The following NUDCD3 variants were observed in gnomAD, a reference collection of about 807,000 sequenced individuals.
The protein encoded by NUDCD3 is nudC domain-containing protein 3.
Under a neutral mutation model 39.7 loss-of-function variants are expected in NUDCD3, and 13 were observed. The ratio of observed to expected loss-of-function variants is 0.33; its 90% CI spans 0.21 to 0.52. The LOEUF (loss-of-function observed/expected upper bound fraction) is 0.52, where lower values mean the gene tolerates loss of function less well. Ranked by LOEUF, NUDCD3 falls within the 20% of genes least tolerant of loss-of-function variation. The pLI is 0.96. For synonymous variants in NUDCD3, 175 were observed against 172.4 expected (o/e 1.02, Z -0.12); for missense variants, 453 against 458.1 (o/e 0.99, Z 0.10).
intron 2 of NUDCD3, among the ~76,000 whole-genome samples, chr7:44,473,891 A>C (rs2116968711): frequency 6.6e-6 from 1 of 152,342 alleles, no homozygotes; most frequent in Middle Eastern, 3.4e-3. Context: ...AGGGTTGACT[A>C]TGAGGCATTG....
chr7:44,422,325 CTT>C (rs1428996079), intron 3 of NUDCD3, among the ~76,000 whole-genome samples: 3 of 151,606 alleles, frequency 2.0e-5, no homozygotes, highest in African/African-American at 7.3e-5. Flanking sequence ...ATGAAAAACT[CTT>C]AGAAAAAAAT....
intron 1 of NUDCD3, chr7:44,489,763 G>C (rs1481535345): frequency 6.6e-6 from 1 of 151,936 alleles, no homozygotes; most frequent in Admixed American, 6.6e-5. Flanking sequence ...TTAAACACCC[G>C]TATCACCCTC....
chr7:44,468,367 A>G (rs1395183382), intron 2 of NUDCD3: 61 of 1,284,718 alleles, frequency 4.7e-5, no homozygotes, highest in East Asian at 2.4e-4. Flanking sequence ...AAAAAAAAAA[A>G]AAAGAAAAGA....
At chr7:44,413,931 T>C (rs892840878) in intron 3 of NUDCD3, among the ~76,000 whole-genome samples, 1 of 151,846 alleles carries the variant, frequency 6.6e-6, no homozygotes, top group Admixed American at 6.6e-5. Flanking sequence ...GGTGCACGCT[T>C]GTAGTCCCAG....
chr7:44,459,829 C>G (rs1414400050), intron 2 of NUDCD3, among the ~76,000 whole-genome samples: 3 of 152,166 alleles, frequency 2.0e-5, no homozygotes, highest in Non-Finnish European at 4.4e-5. Context: ...AAGCCACCAA[C>G]AATAGAATGA....
Position 44,380,266 on chromosome 7 carries a change from CCT to C in NUDCD3, c.*5743_*5744del, listed in dbSNP as rs1228757125. On this transcript the variant is annotated 3_prime_UTR_variant, in exon 6 of 6. Transcript: ENST00000355451. Reference sequence around the variant, plus strand: ...CCCCTCCTTAGGCCTGTTGCCCCTTCCTCTCTAGACCCTCTGCCTGCCAGGTG... The same window carrying C: ...CCCCTCCTTAGGCCTGTTGCCCCTTCCTCTAGACCCTCTGCCTGCCAGGTG... 6.6e-6 allele frequency: 1 copy of C among 152,592 alleles called. No homozygotes were observed. Among genetic ancestry groups the C allele is most frequent in the African/African-American group, 2.4e-5 (1 of 41,456 alleles). 9.5% of individuals were successfully genotyped at this position (152,592 alleles called of 1,614,324 possible).
rs1798374311 is a variant in NUDCD3 at position 44,384,894 on chromosome 7, C to T, written c.*1117G>A. ...ACCTTGGCTGGAGTCAGTCAGCAGC[C>T]ATGGCTCAGGGCATAGGCTTGGGGG... On this transcript the variant is annotated 3_prime_UTR_variant, in exon 6 of 6. Transcript: ENST00000355451. 1 of 152,270 alleles carries T rather than the reference C, an allele frequency of 6.6e-6. No homozygotes were observed. The highest frequency in any genetic ancestry group is 1.5e-5 in the Non-Finnish European group (1 of 68,114). 9.4% of individuals were successfully genotyped at this position (152,270 alleles called of 1,614,324 possible). A position where few individuals can be genotyped will look rare whatever the true frequency, so the allele number is the denominator to read the frequency against.
chr7:44,461,675 C>T (rs1413316897), intron 2 of NUDCD3, among the ~76,000 whole-genome samples: 1 of 152,076 alleles, frequency 6.6e-6, no homozygotes, highest in Admixed American at 6.5e-5. Flanking sequence ...AGCCATGTGA[C>T]ATGCAGAATG....
chr7:44,392,593 A>G, intron 4 of NUDCD3, 108 bp from the exon 5 acceptor site: 2 of 917,136 alleles, frequency 2.2e-6, no homozygotes, highest in East Asian at 2.5e-5. Flanking sequence ...TAAGCTCAGG[A>G]CCAACTACAC....
intron 3 of NUDCD3, among the ~76,000 whole-genome samples, chr7:44,416,042 A>C (rs963068341): frequency 4.6e-5 from 7 of 152,198 alleles, no homozygotes; most frequent in African/African-American, 1.7e-4. Flanking sequence ...CTAAAAAAAA[A>C]ATCATTCAGC....
At chr7:44,443,494 T>A (rs1041500440) in intron 2 of NUDCD3, among the ~76,000 whole-genome samples, 2 of 152,116 alleles carry the variant, frequency 1.3e-5, no homozygotes, top group Admixed American at 1.3e-4. Flanking sequence ...CACTGCTACC[T>A]CCACCTCCCG....
intron 2 of NUDCD3, among the ~76,000 whole-genome samples, chr7:44,433,379 C>T (rs532352817): frequency 1.1e-4 from 17 of 151,954 alleles, no homozygotes; most frequent in African/African-American, 2.9e-4. Flanking sequence ...TGTGTGTGTG[C>T]CACATGCATG....
intron 2 of NUDCD3, among the ~76,000 whole-genome samples, chr7:44,454,569 T>C (rs1472440483): frequency 6.6e-6 from 1 of 152,188 alleles, no homozygotes; most frequent in Middle Eastern, 3.2e-3. Context: ...ACCTGGCAAC[T>C]GTGAACTGGC....
At position 44,387,528 on chromosome 7, in the gene NUDCD3, G is replaced by A. The variant is rs578252679; in HGVS notation, c.976-1407C>T. ...AGAGAAGACTACATGAAGCCCCTCT[G>A]CACAGCCTCAACAAAACACAAGAAT... On this transcript the variant is annotated intron_variant, in intron 5 of 5. Transcript: ENST00000355451. 5.3e-5 allele frequency among the ~76,000 whole-genome samples: 8 copies of A among 152,306 alleles called. No homozygotes were observed. In the East Asian group the frequency reaches 1.5e-3, roughly 29 times the overall value.
At position 44,382,923 on chromosome 7, in the gene NUDCD3, A is replaced by C. The variant is rs1421694193; in HGVS notation, c.*3088T>G. ...CTCCCTCCTGCACTCTTCAGGGGCA[A>C]ATACGCCTCTCCTTTCTGGCGGGTT... On this transcript the variant is annotated 3_prime_UTR_variant, in exon 6 of 6. Coordinates refer to ENST00000355451, the MANE Select transcript of NUDCD3 (RefSeq NM_015332.4). 1 of 152,256 alleles carries C rather than the reference A, an allele frequency of 6.6e-6. No homozygotes were observed. The highest frequency in any genetic ancestry group is 2.4e-5 in the African/African-American group (1 of 41,454). 9.4% of individuals were successfully genotyped at this position (152,256 alleles called of 1,614,324 possible). A position where few individuals can be genotyped will look rare whatever the true frequency, so the allele number is the denominator to read the frequency against.
intron 2 of NUDCD3, among the ~76,000 whole-genome samples, chr7:44,441,987 G>A (rs777341225): frequency 6.2e-4 from 94 of 152,122 alleles, no homozygotes; most frequent in Non-Finnish European, 1.1e-3. Context: ...AACTCACTGT[G>A]CCCTTGGGTT....
chr7:44,380,101 T>A lies in NUDCD3; in HGVS notation c.*5910A>T, dbSNP rs1461886304. The stretch of plus-strand genomic sequence containing the variant: ...AGAGCCCACAGTGGCTGGGGTCTTG[T>A]CATCAGGCACCCTGAATGCTTTCAG... On this transcript the variant is annotated 3_prime_UTR_variant, in exon 6 of 6. Transcript: ENST00000355451. The A allele has an allele frequency of 6.6e-6, 1 of 152,238 alleles. No individual in the cohort carries two copies. Among genetic ancestry groups the A allele is most frequent in the Non-Finnish European group, 1.5e-5 (1 of 68,080 alleles). The allele number at this position is 152,238 out of a possible 1,614,324, so 9.4% of individuals were successfully genotyped here. A position where few individuals can be genotyped will look rare whatever the true frequency, so the allele number is the denominator to read the frequency against.
At chr7:44,414,912 T>G (rs1798993327) in intron 3 of NUDCD3, among the ~76,000 whole-genome samples, 1 of 152,128 alleles carries the variant, frequency 6.6e-6, no homozygotes, top group Non-Finnish European at 1.5e-5. Context: ...ACCTAGTGGC[T>G]AAGGTGGTGT....
chr7:44,445,076 C>T (rs1405827497), intron 2 of NUDCD3, among the ~76,000 whole-genome samples: 2 of 152,220 alleles, frequency 1.3e-5, no homozygotes, highest in Non-Finnish European at 2.9e-5. Context: ...TCCACCTCCA[C>T]CTGTTCTCCC....
Sources: gnomAD v4.1 joint callset for allele counts (sites outside exome capture counted in the v4.1 genomes callset) on GRCh38, gnomAD v4.1.1 for gene constraint, MANE v1.5 for transcripts, NCBI Gene and HGNC (gene_info 2026-07-23, HGNC 2026-07-21) for gene names.